Variants in ZNF780B observed in about 807,000 individuals in gnomAD.
The protein encoded by ZNF780B is zinc finger protein 779.
In ZNF780B, 52 loss-of-function variants were observed where a neutral mutation model predicts 74.1. The observed-to-expected ratio is 0.70, with a 90% CI of 0.56 to 0.88. The LOEUF (loss-of-function observed/expected upper bound fraction) is 0.88. Ranked by LOEUF, ZNF780B falls within the 40% of genes least tolerant of loss-of-function variation. The probability of loss-of-function intolerance (pLI) is 0.00; values close to 1 mark genes in which losing one functional copy is unlikely to be tolerated. For missense variants in ZNF780B, 953 were observed against 1,007.6 expected (o/e 0.95, Z 0.73); for synonymous variants, 315 against 324.3 (o/e 0.97, Z 0.31).
intron 2 of ZNF780B, chr19:40,049,058 T>TG (rs892612431): frequency 2.6e-5 from 9 of 352,848 alleles, no homozygotes; most frequent in African/African-American, 2.0e-4. Flanking sequence ...ATGCACTCCC[T>TG]GGAAAAAAAA....
chr19:40,034,729 G>T lies in ZNF780B; in HGVS notation c.2130C>A (p.Tyr710Ter). 2 of 1,613,814 alleles carry T rather than the reference G, an allele frequency of 1.2e-6. No individual in the cohort carries two copies. Among genetic ancestry groups the T allele is most frequent in the Non-Finnish European group, 1.7e-6 (2 of 1,179,934 alleles). ...KECRKTFRYH[Y>*]QLTEHYRIHT... ...GAATTCGGTAATGTTCAGTAAGCTGGTAATGATATCTAAAGGTCTTCCTAC... is the reference window on the plus strand; with the variant it reads ...GAATTCGGTAATGTTCAGTAAGCTGTTAATGATATCTAAAGGTCTTCCTAC... Residue 710 changes from tyrosine (Y) to a stop codon, truncating the protein, a stop_gained, in exon 5 of 5, where the codon TAC becomes TAA. Transcript: ENST00000434248. LOFTEE classifies it high-confidence loss of function.
intron 4 of ZNF780B, 127 bp downstream of exon 4, chr19:40,047,248 C>T (rs763058033): frequency 2.4e-4 from 184 of 769,258 alleles, no homozygotes; most frequent in Non-Finnish European, 3.6e-4. Flanking sequence ...CATTTTTGTC[C>T]AGTGGGGGAC....
In ZNF780B at chr19:40,050,196, C is replaced by CAAA. The variant is rs74179712; in HGVS notation, c.9+125_9+127dup. ...TGGGTGACAGAGCAAGACTCCGTCT[C>CAAA]AAAAAAAAAAAAAAAAAAAAAAAAA... On this transcript the variant is annotated intron_variant, in intron 2 of 4. Coordinates refer to ENST00000434248, the MANE Select transcript of ZNF780B (RefSeq NM_001005851.3). 2.6e-3 allele frequency: 1,004 copies of CAAA among 391,832 alleles called. 3 individuals are homozygous for CAAA. Among genetic ancestry groups the CAAA allele is most frequent in the Admixed American group, 6.2e-3 (83 of 13,396 alleles). The allele number at this position is 391,832 out of a possible 1,614,324, so 24.3% of individuals were successfully genotyped here.
Position 40,032,143 on chromosome 19 carries a change from C to G in ZNF780B, c.*2214G>C. 1 of 436,284 alleles carries G rather than the reference C, an allele frequency of 2.3e-6. No homozygotes were observed. Among genetic ancestry groups the G allele is most frequent in the Non-Finnish European group, 4.5e-6 (1 of 220,814 alleles). The allele number at this position is 436,284 out of a possible 1,614,324, so 27.0% of individuals were successfully genotyped here. The stretch of plus-strand genomic sequence containing the variant: ...CATAGCCAACAACATTTCTGGGCTA[C>G]TCAAAATTCAATGTCATTTTTTTAA... On this transcript the variant is annotated 3_prime_UTR_variant, in exon 5 of 5. Transcript: ENST00000434248.
In ZNF780B at chr19:40,036,313, C is replaced by A. The variant is rs752121069; in HGVS notation, c.546G>T (p.Gln182His). 1 of 1,613,806 alleles carries A rather than the reference C, an allele frequency of 6.2e-7. No homozygotes were observed. Among genetic ancestry groups the A allele is most frequent in the South Asian group, 1.1e-5 (1 of 91,008 alleles). Residue 182 changes from glutamine to histidine, a missense_variant, in exon 5 of 5, where the codon CAG (glutamine) becomes CAT (histidine). Transcript: ENST00000434248. The part of the protein sequence containing the change: ...KYFSCGSNLI[Q>H]HQSIHTGEKP... ...TCTCTCCAGTATGAATACTCTGATG[C>A]TGAATAAGATTTGAACCACAACTAA...
rs745614807 is a variant in ZNF780B at position 40,036,353 on chromosome 19, T to G, written c.506A>C (p.Glu169Ala). 1.2e-6 allele frequency: 2 copies of G among 1,613,812 alleles called. No individual in the cohort carries two copies. ...ACCACAACTAAAGTATTTCCCACAT[T>G]CCTTACATTCATATGGTTTATGTGT... ...HNTHKPYECKECGKYFSCGSN... is the reference protein window; with the variant it reads ...HNTHKPYECKACGKYFSCGSN... Residue 169 changes from glutamate (E) to alanine (A), a missense_variant, in exon 5 of 5, where the codon GAA becomes GCA. Physicochemically the swap from Glu to Ala is moderately radical, Grantham distance 107. Coordinates refer to ENST00000434248, the MANE Select transcript of ZNF780B (RefSeq NM_001005851.3).
Position 40,035,108 on chromosome 19 carries a change from G to C in ZNF780B, c.1751C>G (p.Pro584Arg). Residue 584 changes from proline to arginine, a missense_variant, in exon 5 of 5, where the codon CCC becomes CGC. Pro to Arg is a moderately radical substitution (Grantham distance 103, BLOSUM62 -2). Transcript: ENST00000434248. The stretch of plus-strand genomic sequence containing the variant: ...TTTCCCACATTCCTTACATTCAAAG[G>C]GTTTCTTTCCGGTATGAATACTTCG... ...QHRSIHTGKK[P>R]FECKECGKAF... 6.2e-7 allele frequency: 1 copy of C among 1,613,594 alleles called. No homozygotes were observed. Among genetic ancestry groups the C allele is most frequent in the Non-Finnish European group, 8.5e-7 (1 of 1,179,748 alleles).
chr19:40,040,859 C>G (rs1275362691), intron 4 of ZNF780B, among the ~76,000 whole-genome samples: 1 of 152,082 alleles, frequency 6.6e-6, no homozygotes, highest in African/African-American at 2.4e-5. Flanking sequence ...TTCAAAAGAC[C>G]AGCTCCTGGA....
chr19:40,034,597 T>C lies in ZNF780B; in HGVS notation c.2262A>G (p.Lys754=). ...QIIHTGEKPF[K]CKECGKAFNR... The stretch of plus-strand genomic sequence containing the variant: ...TAAAGGCCTTCCCACACTCCTTACA[T>C]TTAAATGGCTTCTCACCAGTATGAA... The change falls in exon 5 of 5, where the codon AAA becomes AAG. Residue 754 remains lysine, a synonymous_variant. Transcript: ENST00000434248. The C allele has an allele frequency of 6.2e-7, 1 of 1,614,050 alleles. No homozygotes were observed. Among genetic ancestry groups the C allele is most frequent in the Non-Finnish European group, 8.5e-7 (1 of 1,179,980 alleles).
At chr19:40,037,824 T>C (rs1034805231) in intron 4 of ZNF780B, among the ~76,000 whole-genome samples, 3 of 151,816 alleles carry the variant, frequency 2.0e-5, no homozygotes, top group Admixed American at 1.3e-4. Flanking sequence ...TTAGACTGCT[T>C]CATCTTCCAA....
At chr19:40,053,214 C>T (rs116975842) in intron 1 of ZNF780B, among the ~76,000 whole-genome samples, 3,018 of 152,226 alleles carry the variant, frequency 0.02, 57 homozygotes, top group South Asian at 0.081. Flanking sequence ...GTGTGAGGAA[C>T]TCAACAGCAA....
rs577414838 is a variant in ZNF780B, at chr19:40,037,906, A to T, written c.233-1280T>A. Reference sequence around the variant, plus strand: ...TTTTTTTTTCTGTTTATATATATATATTTTTTTAATTTTATTATTATTATA... The same window carrying T: ...TTTTTTTTTCTGTTTATATATATATTTTTTTTTAATTTTATTATTATTATA... On this transcript the variant is annotated intron_variant, in intron 4 of 4. Coordinates refer to ENST00000434248, the MANE Select transcript of ZNF780B (RefSeq NM_001005851.3). Among the ~76,000 whole-genome samples, 748 of 145,068 alleles carry T rather than the reference A, an allele frequency of 5.2e-3. 5 individuals are homozygous for T. Among genetic ancestry groups the T allele is most frequent in the Middle Eastern group, 0.039 (11 of 282 alleles).
intron 3 of ZNF780B, among the ~76,000 whole-genome samples, chr19:40,048,469 G>T (rs1455351437): frequency 6.6e-6 from 1 of 152,192 alleles, no homozygotes; most frequent in Non-Finnish European, 1.5e-5. Flanking sequence ...CCAGCATAAT[G>T]GAGGAGGCCC....
chr19:40,043,179 T>G (rs1378317730), intron 4 of ZNF780B, among the ~76,000 whole-genome samples: 1 of 152,226 alleles, frequency 6.6e-6, no homozygotes, highest in East Asian at 1.9e-4. Context: ...CCAGACCCTG[T>G]TTGCCTGGGT....
At position 40,035,453 on chromosome 19, in the gene ZNF780B, C is replaced by A. The variant is rs372697741; in HGVS notation, c.1406G>T (p.Gly469Val). The A allele has an allele frequency of 1.3e-5, 21 of 1,614,058 alleles. No homozygotes were observed. The highest frequency in any genetic ancestry group is 1.6e-4 in the Middle Eastern group (1 of 6,084). Residue 469 changes from glycine to valine, a missense_variant, in exon 5 of 5, where the codon GGT (glycine) becomes GTT (valine). Transcript: ENST00000434248. ...TTCTTTACATTCAAAGGGTTTCCCACCAGTATGAATTTGGCAATGTTGAAT... is the reference window on the plus strand; with the variant it reads ...TTCTTTACATTCAAAGGGTTTCCCAACAGTATGAATTTGGCAATGTTGAAT... ...QLIQHCQIHT[G>V]GKPFECKECG...
At position 40,035,948 on chromosome 19, in the gene ZNF780B, G is replaced by C. The variant is rs1431285778; in HGVS notation, c.911C>G (p.Pro304Arg). The change falls in exon 5 of 5, where the codon CCC becomes CGC. Residue 304 changes from proline to arginine, a missense_variant. By Grantham distance (103) the Pro-to-Arg change is moderately radical. Coordinates refer to ENST00000434248, the MANE Select transcript of ZNF780B (RefSeq NM_001005851.3). ...QHQKIHSNEK[P>R]FVCRECEMAF... ...CATCTCACATTCCCTACATACAAAG[G>C]GTTTCTCATTGGAATGAATTTTTTG... The C allele has an allele frequency of 6.2e-7, 1 of 1,613,280 alleles. No individual in the cohort carries two copies. Among genetic ancestry groups the C allele is most frequent in the Non-Finnish European group, 8.5e-7 (1 of 1,179,860 alleles).
chr19:40,043,219 G>A (rs1972745325), intron 4 of ZNF780B, among the ~76,000 whole-genome samples: 1 of 152,130 alleles, frequency 6.6e-6, no homozygotes. Flanking sequence ...GAACAGTGGT[G>A]GCTGTAGAAC....
At position 40,031,708 on chromosome 19, in the gene ZNF780B, C is replaced by T. The variant is rs1411030547; in HGVS notation, c.*2649G>A. On this transcript the variant is annotated 3_prime_UTR_variant, in exon 5 of 5. Coordinates refer to ENST00000434248, the MANE Select transcript of ZNF780B (RefSeq NM_001005851.3). The stretch of plus-strand genomic sequence containing the variant: ...AGTTTTGTACTGAGTACAGTGTCAG[C>T]CATATCACACAAGTTGAATTATGTT... 4.7e-6 allele frequency: 1 copy of T among 213,808 alleles called. No homozygotes were observed. The highest frequency in any genetic ancestry group is 9.6e-6 in the Non-Finnish European group (1 of 103,986). 13.2% of individuals were successfully genotyped at this position (213,808 alleles called of 1,614,324 possible). A position where few individuals can be genotyped will look rare whatever the true frequency, so the allele number is the denominator to read the frequency against.
At chr19:40,050,522 T>A in intron 1 of ZNF780B, 145 bp from the exon 2 acceptor site, 1 of 853,024 alleles carries the variant, frequency 1.2e-6, no homozygotes, top group Non-Finnish European at 1.8e-6. Flanking sequence ...ACTCCCTTTT[T>A]CCCTACACAC....
Sources: allele counts gnomAD v4.1 joint callset (sites outside exome capture counted in the v4.1 genomes callset), GRCh38; gene constraint gnomAD v4.1.1; transcripts MANE v1.5; gene names NCBI Gene and HGNC (gene_info 2026-07-23, HGNC 2026-07-21).